The following C10orf90 variants were observed in gnomAD, a reference collection of about 807,000 sequenced individuals.
The protein encoded by C10orf90 is chromosome 10 open reading frame 90.
In C10orf90, 56 loss-of-function variants were observed where a neutral mutation model predicts 62.5. The observed-to-expected ratio is 0.90, with a 90% CI of 0.72 to 1.12. The LOEUF is 1.12. Ranked by LOEUF, C10orf90 falls within the 50% of genes most tolerant of loss-of-function variation. The pLI is 0.00. For synonymous variants in C10orf90, 386 were observed against 340.4 expected (o/e 1.13, Z -1.47); for missense variants, 970 against 880.4 (o/e 1.10, Z -1.29).
chr10:126,480,530 C>A (rs1363803151), intron 4 of C10orf90, among the ~76,000 whole-genome samples: 1 of 152,224 alleles, frequency 6.6e-6, no homozygotes, highest in Non-Finnish European at 1.5e-5. Context: ...AGCTTTCAGG[C>A]ACATCAGTCT....
At chr10:126,521,372 G>A in intron 2 of C10orf90, 2 of 1,613,120 alleles carry the variant, frequency 1.2e-6, no homozygotes, top group African/African-American at 1.3e-5. Context: ...GTCTTTTAAT[G>A]ACAAGGATGT....
intron 2 of C10orf90, among the ~76,000 whole-genome samples, chr10:126,517,727 T>C (rs939659589): frequency 5.3e-5 from 8 of 152,026 alleles, no homozygotes; most frequent in Non-Finnish European, 7.4e-5. Flanking sequence ...CTGGCCAACA[T>C]GGCGAAACCC....
At chr10:126,613,825 G>A (rs971659305) in intron 2 of C10orf90, among the ~76,000 whole-genome samples, 1 of 152,208 alleles carries the variant, frequency 6.6e-6, no homozygotes, top group African/African-American at 2.4e-5. Context: ...TTATGCATGA[G>A]CCAAGGCTTT....
At chr10:126,653,294 C>T (rs181409620) in intron 1 of C10orf90, among the ~76,000 whole-genome samples, 6 of 152,336 alleles carry the variant, frequency 3.9e-5, no homozygotes, top group African/African-American at 1.4e-4. Context: ...GGCATTTCAC[C>T]CGCAGTAGAA....
At chr10:126,607,319 GA>G (rs1182892474) in intron 2 of C10orf90, among the ~76,000 whole-genome samples, 19 of 152,196 alleles carry the variant, frequency 1.2e-4, no homozygotes, top group Admixed American at 1.2e-3. Flanking sequence ...TGGCTGTGTT[GA>G]AAATCATTTG....
chr10:126,512,622 C>A (rs943686703), intron 3 of C10orf90, among the ~76,000 whole-genome samples: 2 of 152,088 alleles, frequency 1.3e-5, no homozygotes, highest in African/African-American at 4.8e-5. Context: ...CGCCCCCATG[C>A]CCTTCCCTGA....
At chr10:126,576,383 G>A (rs1429277046) in intron 2 of C10orf90, among the ~76,000 whole-genome samples, 1 of 150,984 alleles carries the variant, frequency 6.6e-6, no homozygotes, top group African/African-American at 2.5e-5. Flanking sequence ...TCTCACTCTA[G>A]TTAAAATGGC....
chr10:126,499,355 A>G (rs1210712966), intron 4 of C10orf90, among the ~76,000 whole-genome samples: 1 of 152,190 alleles, frequency 6.6e-6, no homozygotes, highest in African/African-American at 2.4e-5. Context: ...CATATTTTCA[A>G]TCTGGCCCTT....
intron 7 of C10orf90, among the ~76,000 whole-genome samples, chr10:126,435,860 A>G (rs1193187789): frequency 3.3e-5 from 5 of 152,082 alleles, no homozygotes; most frequent in Non-Finnish European, 7.4e-5. Context: ...GTGGCACATG[A>G]ACTCCTGGAA....
chr10:126,601,055 C>T (rs903115323), intron 2 of C10orf90, among the ~76,000 whole-genome samples: 1 of 152,166 alleles, frequency 6.6e-6, no homozygotes, highest in African/African-American at 2.4e-5. Flanking sequence ...ACAACACAGA[C>T]AGGCTTGGAG....
At chr10:126,610,489 A>T (rs976779947) in intron 2 of C10orf90, among the ~76,000 whole-genome samples, 1 of 152,168 alleles carries the variant, frequency 6.6e-6, no homozygotes, top group African/African-American at 2.4e-5. Context: ...GTCTCCTTCC[A>T]GGCCTCCAAC....
chr10:126,515,282 G>A (rs7914461), intron 2 of C10orf90, among the ~76,000 whole-genome samples: 135,579 of 152,232 alleles, frequency 0.89, 60,599 homozygotes, highest in African/African-American at 0.97. Flanking sequence ...CTCATAGTCT[G>A]CAGTAGCAGA....
At chr10:126,535,773 CCCT>C (rs1703280394) in intron 2 of C10orf90, among the ~76,000 whole-genome samples, 1 of 152,136 alleles carries the variant, frequency 6.6e-6, no homozygotes, top group Non-Finnish European at 1.5e-5. Context: ...TTTCTGAACA[CCCT>C]CATTAGAGAG....
intron 7 of C10orf90, among the ~76,000 whole-genome samples, chr10:126,449,306 C>T (rs1302381400): frequency 6.6e-6 from 1 of 152,122 alleles, no homozygotes; most frequent in African/African-American, 2.4e-5. Flanking sequence ...TCTCAAAAGA[C>T]ACTGAGAAAA....
At position 126,615,375 on chromosome 10, in the gene C10orf90, G is replaced by A. The variant is rs548284667; in HGVS notation, c.313+31190C>T. ...TCTTGGATACCCAAAACCAGCAAAG[G>A]ACATCTCTTCTGTTGAATGGGATAT... On this transcript the variant is annotated intron_variant, in intron 2 of 9. Transcript: ENST00000488181. 5.3e-5 allele frequency among the ~76,000 whole-genome samples: 8 copies of A among 152,232 alleles called. No individual in the cohort carries two copies. In the South Asian group the frequency reaches 1.7e-3, roughly 32 times the overall value.
intron 2 of C10orf90, among the ~76,000 whole-genome samples, chr10:126,626,225 A>C (rs1845740331): frequency 6.6e-6 from 1 of 151,868 alleles, no homozygotes; most frequent in Admixed American, 6.6e-5. Context: ...GTATCACAGA[A>C]GGCCCCAGGG....
rs1193699734 is a variant in C10orf90 at position 126,504,394 on chromosome 10, T to G, written c.1097A>C (p.Lys366Thr). The G allele has an allele frequency of 6.2e-7, 1 of 1,614,066 alleles. No homozygotes were observed. The highest frequency in any genetic ancestry group is 1.7e-5 in the Admixed American group (1 of 60,012). ...QCPDSIYYVD[K>T]SLSVPIEPPQ... ...TGGCTCAATGGGGACGGAGAGAGAC[T>G]TGTCTACGTAATAGATTGAATCTGG... Residue 366 changes from lysine to threonine, a missense_variant, in exon 4 of 10, where the codon AAG (lysine) becomes ACG (threonine). By Grantham distance (78) the Lys-to-Thr change is moderately conservative (BLOSUM62 -1). Transcript: ENST00000488181. The surrounding 1 kb of genome is among the most constrained non-coding windows in gnomAD (Gnocchi z 4.1).
At position 126,665,328 on chromosome 10, in the gene C10orf90, G is replaced by T. The variant is rs1020351225; in HGVS notation, c.240+4913C>A. On this transcript the variant is annotated intron_variant, in intron 1 of 9. Coordinates refer to ENST00000488181, the MANE Select transcript of C10orf90 (RefSeq NM_001350921.2). The stretch of plus-strand genomic sequence containing the variant: ...ACTTGGTCTGGAAATAGGGAAAATT[G>T]TTTTGCACCTTTTGATAACTGTGAG... 5.9e-5 allele frequency among the ~76,000 whole-genome samples: 9 copies of T among 152,306 alleles called. No homozygotes were observed. In the East Asian group the frequency reaches 9.7e-4, roughly 16 times the overall value.
chr10:126,556,749 C>T (rs1864782247), intron 2 of C10orf90, among the ~76,000 whole-genome samples: 1 of 152,004 alleles, frequency 6.6e-6, no homozygotes, highest in East Asian at 2.0e-4. Context: ...ACCCAGACAC[C>T]CTATTTCTCT....
Sources: allele counts gnomAD v4.1 joint callset (sites outside exome capture counted in the v4.1 genomes callset), GRCh38; gene constraint gnomAD v4.1.1; non-coding constraint Gnocchi (gnomAD v3.1); transcripts MANE v1.5; gene names NCBI Gene and HGNC (gene_info 2026-07-23, HGNC 2026-07-21).